Variants in IMMP2L observed in about 807,000 individuals in gnomAD.
IMMP2L encodes the protein inner mitochondrial membrane peptidase subunit 2, also known as mitochondrial inner membrane protease subunit 2.
In IMMP2L, 18 loss-of-function variants were observed where a neutral mutation model predicts 19.3. That is an observed-to-expected ratio of 0.93 (90% CI 0.64 to 1.38). The LOEUF (loss-of-function observed/expected upper bound fraction) is 1.38. IMMP2L is among the 40% of genes most tolerant of loss of function. The pLI is 0.00. For synonymous variants in IMMP2L, 76 were observed against 73.0 expected (o/e 1.04, Z -0.21); for missense variants, 233 against 218.2 (o/e 1.07, Z -0.43).
chr7:110,938,500 C>G (rs1207859992), intron 4 of IMMP2L, among the ~76,000 whole-genome samples: 1 of 152,102 alleles, frequency 6.6e-6, no homozygotes, highest in Non-Finnish European at 1.5e-5. Context: ...TACCCTTTCT[C>G]CAAATGAAAC....
chr7:111,514,030 G>C (rs2132596413), intron 2 of IMMP2L, among the ~76,000 whole-genome samples: 1 of 152,124 alleles, frequency 6.6e-6, no homozygotes, highest in East Asian at 1.9e-4. Context: ...AAAGAGCTGA[G>C]AAGTAGGGAA....
intron 4 of IMMP2L, among the ~76,000 whole-genome samples, chr7:110,894,654 T>C (rs535642382): frequency 2.2e-4 from 34 of 152,346 alleles, no homozygotes; most frequent in Admixed American, 4.6e-4. Flanking sequence ...TCCTAATCTC[T>C]GTGCTTTTAA....
At chr7:110,747,500 T>C (rs1797430436) in intron 5 of IMMP2L, among the ~76,000 whole-genome samples, 1 of 152,124 alleles carries the variant, frequency 6.6e-6, no homozygotes, top group Non-Finnish European at 1.5e-5. Flanking sequence ...AAATCCTCAA[T>C]AAAATATTAG....
intron 5 of IMMP2L, among the ~76,000 whole-genome samples, chr7:110,838,767 A>C (rs1393262167): frequency 2.0e-5 from 3 of 152,168 alleles, no homozygotes; most frequent in African/African-American, 7.2e-5. Context: ...CAGAAAACAA[A>C]CTAATAAACA....
intron 3 of IMMP2L, among the ~76,000 whole-genome samples, chr7:111,281,156 CAGAAAGAAAGAAAGAAAGAAAGAAAGAA>C (rs1157660179): frequency 6.6e-4 from 45 of 67,846 alleles, no homozygotes; most frequent in African/African-American, 1.7e-3. Context: ...GACAGAAAGA[CAGAAAGAAAGAAAGAAAGAAAGAAAGAA>C]AGAAAGAAAG....
At chr7:111,090,141 C>A (rs1235920550) in intron 3 of IMMP2L, among the ~76,000 whole-genome samples, 2 of 152,152 alleles carry the variant, frequency 1.3e-5, no homozygotes, top group Middle Eastern at 3.4e-3. Flanking sequence ...GTAAAACATG[C>A]ATTTTTAAAA....
At chr7:110,885,694 C>T (rs940817695) in intron 5 of IMMP2L, among the ~76,000 whole-genome samples, 11 of 152,058 alleles carry the variant, frequency 7.2e-5, no homozygotes, top group South Asian at 2.1e-4. Context: ...GCCACTTTGA[C>T]GTAAGGATTA....
At chr7:110,952,137 T>C (rs1023089198) in intron 4 of IMMP2L, among the ~76,000 whole-genome samples, 3 of 152,084 alleles carry the variant, frequency 2.0e-5, no homozygotes, top group African/African-American at 7.2e-5. Context: ...TACATTACCA[T>C]TGACAGAGAA....
At chr7:110,703,217 T>G (rs1244862748) in intron 5 of IMMP2L, among the ~76,000 whole-genome samples, 1 of 152,196 alleles carries the variant, frequency 6.6e-6, no homozygotes, top group Non-Finnish European at 1.5e-5. Flanking sequence ...GCTTTCTCAT[T>G]ATGTTAATAT....
chr7:110,957,429 C>G (rs1409249971), intron 4 of IMMP2L, among the ~76,000 whole-genome samples: 1 of 151,914 alleles, frequency 6.6e-6, no homozygotes, highest in Non-Finnish European at 1.5e-5. Flanking sequence ...ATTATTTTCT[C>G]AAGAGAAAAA....
intron 1 of IMMP2L, among the ~76,000 whole-genome samples, chr7:111,549,783 A>C (rs181975778): frequency 4.6e-5 from 7 of 152,192 alleles, no homozygotes; most frequent in Admixed American, 3.3e-4. Context: ...TCTACTAAAA[A>C]TACAAAGATT....
chr7:111,283,250 GA>G (rs1407738602), intron 3 of IMMP2L, among the ~76,000 whole-genome samples: 1 of 152,152 alleles, frequency 6.6e-6, no homozygotes. Context: ...GGAATCAGAA[GA>G]AAAACAATTA....
chr7:110,779,465 CATGACTTGAA>C (rs1799598201), intron 5 of IMMP2L, among the ~76,000 whole-genome samples: 1 of 151,894 alleles, frequency 6.6e-6, no homozygotes, highest in Non-Finnish European at 1.5e-5. Flanking sequence ...TCGAGAAAAA[CATGACTTGAA>C]CTGAGGTCTG....
At position 110,860,658 on chromosome 7, in the gene IMMP2L, A is replaced by C. The variant is rs546319384; in HGVS notation, c.408+25935T>G. On this transcript the variant is annotated intron_variant, in intron 5 of 5. Coordinates refer to ENST00000405709, the MANE Select transcript of IMMP2L (RefSeq NM_032549.4). ...ATTGGAGAACAATAATGTATACCGC[A>C]CTGATGCTGCAACTATACTGACAGT... Among the ~76,000 whole-genome samples, 72 of 152,218 alleles carry C rather than the reference A, an allele frequency of 4.7e-4. No individual in the cohort carries two copies. In the South Asian group the frequency reaches 6.0e-3, roughly 13 times the overall value.
intron 3 of IMMP2L, among the ~76,000 whole-genome samples, chr7:111,473,068 ATT>A (rs1314946440): frequency 1.3e-5 from 2 of 152,212 alleles, no homozygotes; most frequent in Non-Finnish European, 2.9e-5. Context: ...TAAAACTATT[ATT>A]GTCATTCCAA....
intron 3 of IMMP2L, among the ~76,000 whole-genome samples, chr7:111,322,729 C>T (rs1473726183): frequency 1.3e-5 from 2 of 151,808 alleles, no homozygotes; most frequent in Admixed American, 6.6e-5. Context: ...TAATAATTTA[C>T]ATGAGAAAAA....
chr7:110,678,896 A>G (rs184871511), intron 5 of IMMP2L, among the ~76,000 whole-genome samples: 5 of 152,326 alleles, frequency 3.3e-5, no homozygotes, highest in South Asian at 2.1e-4. Context: ...GCAAAGCCCT[A>G]TGGTTTGGAA....
intron 5 of IMMP2L, among the ~76,000 whole-genome samples, chr7:110,690,579 C>T (rs1219579255): frequency 6.6e-6 from 1 of 152,038 alleles, no homozygotes; most frequent in Non-Finnish European, 1.5e-5. Flanking sequence ...CCAAAAGACT[C>T]CTACATTTGA....
At chr7:111,446,465 A>T (rs921857862) in intron 3 of IMMP2L, among the ~76,000 whole-genome samples, 7 of 150,190 alleles carry the variant, frequency 4.7e-5, no homozygotes, top group African/African-American at 1.8e-4. Context: ...CTCACACGGC[A>T]GGGTATTCCA....
Sources: allele counts gnomAD v4.1 joint callset (sites outside exome capture counted in the v4.1 genomes callset), GRCh38; gene constraint gnomAD v4.1.1; transcripts MANE v1.5; gene names NCBI Gene and HGNC (gene_info 2026-07-23, HGNC 2026-07-21).